Variants in LRMDA observed in about 807,000 individuals in gnomAD.
LRMDA encodes leucine-rich melanocyte differentiation-associated protein.
Under a neutral mutation model 29.8 loss-of-function variants are expected in LRMDA, and 18 were observed. That is an observed-to-expected ratio of 0.60 (90% CI 0.42 to 0.90). The LOEUF is 0.90. LRMDA is among the 40% of genes least tolerant of loss of function. The probability of loss-of-function intolerance (pLI) is 0.00; values close to 1 mark genes in which losing one functional copy is unlikely to be tolerated. For synonymous variants in LRMDA, 125 were observed against 109.4 expected (o/e 1.14, Z -0.89); for missense variants, 273 against 273.9 (o/e 1.00, Z 0.02).
At chr10:75,607,948 C>T (rs1840977227) in intron 2 of LRMDA, among the ~76,000 whole-genome samples, 1 of 149,072 alleles carries the variant, frequency 6.7e-6, no homozygotes, top group Non-Finnish European at 1.5e-5. Context: ...ATCCATTGTC[C>T]ATATCCTAGC....
Position 76,197,919 on chromosome 10 carries a change from C to CAA in LRMDA, c.517-126469_517-126468dup, listed in dbSNP as rs574293527. Reference sequence around the variant, plus strand: ...TGGGCAACAGAGAGATACTCCATTTCAAAAAAAAAAAAAATTGTTAGTAGT... The same window carrying CAA: ...TGGGCAACAGAGAGATACTCCATTTCAAAAAAAAAAAAAAAATTGTTAGTAGT... On this transcript the variant is annotated intron_variant, in intron 5 of 6. Transcript: ENST00000611255. Among the ~76,000 whole-genome samples the CAA allele has an allele frequency of 9.3e-5, 13 of 139,124 alleles. No individual in the cohort carries two copies. In the East Asian group the frequency reaches 1.2e-3, roughly 13 times the overall value. The allele number at this position is 139,124 out of a possible 152,430, so 91.3% of individuals were successfully genotyped here. A position where few individuals can be genotyped will look rare whatever the true frequency, so the allele number is the denominator to read the frequency against.
At chr10:76,249,408 T>G (rs1852432551) in intron 5 of LRMDA, among the ~76,000 whole-genome samples, 1 of 152,220 alleles carries the variant, frequency 6.6e-6, no homozygotes, top group Non-Finnish European at 1.5e-5. Flanking sequence ...GTTCCAAGAC[T>G]GGATTCTTTC....
chr10:76,363,176 A>AGGAAGGAG (rs1841340056), intron 6 of LRMDA, among the ~76,000 whole-genome samples: 4 of 21,750 alleles, frequency 1.8e-4, no homozygotes, highest in African/African-American at 5.8e-4. Flanking sequence ...AAAGAAAGAA[A>AGGAAGGAG]GGAGGGAGGG....
At chr10:76,382,246 C>A (rs1415273213) in intron 6 of LRMDA, among the ~76,000 whole-genome samples, 1 of 152,158 alleles carries the variant, frequency 6.6e-6, no homozygotes, top group Non-Finnish European at 1.5e-5. Flanking sequence ...TTGGCCTTGA[C>A]ATACTTTTAG....
At chr10:76,261,247 ATT>A (rs1439809945) in intron 5 of LRMDA, among the ~76,000 whole-genome samples, 1 of 149,328 alleles carries the variant, frequency 6.7e-6, no homozygotes, top group Non-Finnish European at 1.5e-5. Flanking sequence ...TTTTTTCTGT[ATT>A]TTTTAGTAGA....
chr10:76,473,712 A>G (rs1011875870), intron 6 of LRMDA, among the ~76,000 whole-genome samples: 29 of 151,762 alleles, frequency 1.9e-4, no homozygotes, highest in African/African-American at 6.5e-4. Context: ...ATCCATCGTA[A>G]TTGTGAAATT....
In LRMDA at chr10:75,928,183, C is replaced by T. The variant is rs561773091; in HGVS notation, c.132-107825C>T. Among the ~76,000 whole-genome samples the T allele has an allele frequency of 8.3e-4, 126 of 152,066 alleles. 1 individual carries two copies. Among genetic ancestry groups the T allele is most frequent in the Non-Finnish European group, 1.3e-3 (86 of 68,016 alleles). ...TCTTGGGGTGGGGGGTGAATTCACGCGGCAGGGAGCTGCAAATAACCCTTT... is the reference window on the plus strand; with the variant it reads ...TCTTGGGGTGGGGGGTGAATTCACGTGGCAGGGAGCTGCAAATAACCCTTT... On this transcript the variant is annotated intron_variant, in intron 2 of 6. Coordinates refer to ENST00000611255, the MANE Select transcript of LRMDA (RefSeq NM_001305581.2).
intron 2 of LRMDA, among the ~76,000 whole-genome samples, chr10:75,455,633 C>T (rs1029521499): frequency 6.6e-6 from 1 of 152,148 alleles, no homozygotes; most frequent in Non-Finnish European, 1.5e-5. Flanking sequence ...GCCAGCCCAG[C>T]AAAGCAGGTA....
chr10:75,822,928 A>G (rs1274647005), intron 2 of LRMDA, among the ~76,000 whole-genome samples: 1 of 152,216 alleles, frequency 6.6e-6, no homozygotes, highest in Non-Finnish European at 1.5e-5. Flanking sequence ...TTGGAGAGCC[A>G]TATGCAGAAG....
chr10:75,806,706 A>G (rs1352675888), intron 2 of LRMDA, among the ~76,000 whole-genome samples: 2 of 149,434 alleles, frequency 1.3e-5, no homozygotes, highest in Non-Finnish European at 3.0e-5. Context: ...TACAAATTGC[A>G]GGCTACCTCA....
At chr10:75,716,139 CTTCTT>C (rs1842496914) in intron 2 of LRMDA, among the ~76,000 whole-genome samples, 1 of 152,294 alleles carries the variant, frequency 6.6e-6, no homozygotes, top group Admixed American at 6.5e-5. Context: ...AATTTCCTTT[CTTCTT>C]TTCTTTTGAA....
intron 5 of LRMDA, among the ~76,000 whole-genome samples, chr10:76,156,357 C>G (rs568068176): frequency 6.6e-6 from 1 of 152,154 alleles, no homozygotes; most frequent in East Asian, 1.9e-4. Flanking sequence ...TGCTTCTCTT[C>G]TATGAAAAAA....
chr10:76,261,286 A>T (rs1839940037), intron 5 of LRMDA, among the ~76,000 whole-genome samples: 1 of 151,704 alleles, frequency 6.6e-6, no homozygotes. Context: ...ATTAGCCAGA[A>T]TGGTCTCCAT....
At chr10:76,110,083 C>T (rs1219172658) in intron 5 of LRMDA, among the ~76,000 whole-genome samples, 2 of 152,182 alleles carry the variant, frequency 1.3e-5, no homozygotes, top group Non-Finnish European at 2.9e-5. Context: ...TTTGCCTCTG[C>T]CTTCTTGACA....
intron 5 of LRMDA, among the ~76,000 whole-genome samples, chr10:76,132,971 T>C (rs1410253484): frequency 1.2e-4 from 15 of 130,334 alleles, no homozygotes; most frequent in African/African-American, 4.4e-4. Context: ...CCCGGCTTTT[T>C]TTTTTTTTTT....
At position 76,532,102 on chromosome 10, in the gene LRMDA, G is replaced by A. The variant is rs556576131; in HGVS notation, c.602-25107G>A. On this transcript the variant is annotated intron_variant, in intron 6 of 6. Coordinates refer to ENST00000611255, the MANE Select transcript of LRMDA (RefSeq NM_001305581.2). Reference sequence around the variant, plus strand: ...GGAGGTTTGTTACATAGGTATACGCGTGCCATGGTGTTTTGCTGCACCCAT... The same window carrying A: ...GGAGGTTTGTTACATAGGTATACGCATGCCATGGTGTTTTGCTGCACCCAT... 1.9e-4 allele frequency among the ~76,000 whole-genome samples: 29 copies of A among 152,024 alleles called. 1 individual carries two copies. Among genetic ancestry groups the A allele is most frequent in the South Asian group, 8.3e-4 (4 of 4,812 alleles).
intron 2 of LRMDA, among the ~76,000 whole-genome samples, chr10:75,562,629 G>A (rs1163297142): frequency 6.6e-6 from 1 of 152,084 alleles, no homozygotes; most frequent in Non-Finnish European, 1.5e-5. Context: ...TAGCCTCGAT[G>A]GTCTTTACAT....
intron 6 of LRMDA, among the ~76,000 whole-genome samples, chr10:76,426,356 T>A (rs933324531): frequency 2.0e-5 from 3 of 152,232 alleles, no homozygotes; most frequent in East Asian, 3.9e-4. Context: ...TGGCCAGTGA[T>A]GATGAGCATT....
chr10:75,607,044 A>G (rs1274172645), intron 2 of LRMDA, among the ~76,000 whole-genome samples: 2 of 152,222 alleles, frequency 1.3e-5, no homozygotes, highest in East Asian at 3.8e-4. Flanking sequence ...TTTATGGAAA[A>G]TTGATTTTGT....
Sources: gnomAD v4.1 joint callset for allele counts (sites outside exome capture counted in the v4.1 genomes callset) on GRCh38, gnomAD v4.1.1 for gene constraint, MANE v1.5 for transcripts, NCBI Gene and HGNC (gene_info 2026-07-23, HGNC 2026-07-21) for gene names.